ERC2: variants seen among roughly 807,000 people sequenced by gnomAD.
ERC2 encodes ERC protein 2.
Under a neutral mutation model 114.8 loss-of-function variants are expected in ERC2, and 42 were observed. The ratio of observed to expected loss-of-function variants is 0.37; its 90% CI spans 0.29 to 0.47. The LOEUF (loss-of-function observed/expected upper bound fraction) is 0.47. Ranked by LOEUF, ERC2 falls within the 20% of genes least tolerant of loss-of-function variation. ERC2 has a pLI of 0.99. For missense variants in ERC2, 939 were observed against 1,150.7 expected (o/e 0.82, Z 2.66); for synonymous variants, 454 against 425.5 (o/e 1.07, Z -0.82).
In ERC2 at chr3:56,203,855, G is replaced by T. The variant is rs560564732; in HGVS notation, c.1075-30335C>A. Among the ~76,000 whole-genome samples the T allele has an allele frequency of 9.2e-5, 14 of 152,306 alleles. No homozygotes were observed. In the South Asian group the frequency reaches 2.9e-3, roughly 32 times the overall value. ...ATCTAAAGAACCACCTTGTGCAGAG[G>T]ACCTGACAAGAGATGTCTTACATTG... On this transcript the variant is annotated intron_variant, in intron 3 of 17. Coordinates refer to ENST00000288221, the MANE Select transcript of ERC2 (RefSeq NM_015576.3).
At chr3:55,572,554 C>T (rs2056771747) in intron 17 of ERC2, among the ~76,000 whole-genome samples, 2 of 152,334 alleles carry the variant, frequency 1.3e-5, no homozygotes, top group East Asian at 3.9e-4. Context: ...AGTTATTTTA[C>T]ACAAGCTCCT....
chr3:55,688,473 T>A (rs1011637260), intron 16 of ERC2, among the ~76,000 whole-genome samples: 6 of 152,276 alleles, frequency 3.9e-5, no homozygotes, highest in African/African-American at 7.2e-5. Flanking sequence ...CTCCACCATA[T>A]GAGCCGAGAA....
At chr3:55,872,543 A>G (rs1378699663) in intron 14 of ERC2, among the ~76,000 whole-genome samples, 1 of 152,232 alleles carries the variant, frequency 6.6e-6, no homozygotes, top group Admixed American at 6.5e-5. Context: ...GCTATTTAGG[A>G]AATAGTTCTC....
chr3:55,530,294 G>C (rs1575485559), intron 17 of ERC2, among the ~76,000 whole-genome samples: 2 of 152,218 alleles, frequency 1.3e-5, no homozygotes, highest in African/African-American at 4.8e-5. Context: ...CAGGTCTTAT[G>C]ATCCTGTCAC....
At chr3:55,952,397 C>A (rs537106707) in intron 12 of ERC2, among the ~76,000 whole-genome samples, 1 of 151,886 alleles carries the variant, frequency 6.6e-6, no homozygotes, top group Non-Finnish European at 1.5e-5. Context: ...AACATACACA[C>A]GTGAAGCCAC....
At chr3:56,178,631 T>A (rs982953308) in intron 3 of ERC2, among the ~76,000 whole-genome samples, 1 of 152,136 alleles carries the variant, frequency 6.6e-6, no homozygotes, top group African/African-American at 2.4e-5. Context: ...AAACATCAAC[T>A]CATGTCAGTC....
intron 17 of ERC2, among the ~76,000 whole-genome samples, chr3:55,632,656 G>A (rs1469047510): frequency 2.0e-5 from 3 of 152,042 alleles, no homozygotes; most frequent in Non-Finnish European, 4.4e-5. Flanking sequence ...TAGAACTTTG[G>A]GATGACTCAA....
intron 13 of ERC2, among the ~76,000 whole-genome samples, chr3:55,916,955 G>A (rs1287980646): frequency 2.0e-5 from 3 of 151,908 alleles, no homozygotes; most frequent in African/African-American, 4.8e-5. Context: ...AAGTACTAGG[G>A]GTTTTTTTGC....
intron 7 of ERC2, among the ~76,000 whole-genome samples, 186 bp from the exon 8 acceptor site, chr3:56,019,217 TC>T (rs1355676740): frequency 1.3e-5 from 2 of 152,198 alleles, no homozygotes; most frequent in Middle Eastern, 3.2e-3. Context: ...TTCAAGTCTG[TC>T]TTTAAATGGT....
At chr3:55,638,292 C>T (rs1188533437) in intron 17 of ERC2, among the ~76,000 whole-genome samples, 1 of 152,218 alleles carries the variant, frequency 6.6e-6, no homozygotes, top group Non-Finnish European at 1.5e-5. Context: ...ATTAATTAAG[C>T]TGTTAAAAGC....
intron 17 of ERC2, among the ~76,000 whole-genome samples, chr3:55,668,982 A>C (rs1677205030): frequency 6.6e-6 from 1 of 152,234 alleles, no homozygotes; most frequent in African/African-American, 2.4e-5. Flanking sequence ...CATAGTATGC[A>C]ACGGTTATCC....
intron 10 of ERC2, among the ~76,000 whole-genome samples, chr3:55,997,604 T>C (rs1291757022): frequency 2.7e-5 from 4 of 149,282 alleles, no homozygotes; most frequent in African/African-American, 9.7e-5. Context: ...CATATTATTG[T>C]TTAGAATGAA....
intron 4 of ERC2, among the ~76,000 whole-genome samples, chr3:56,154,164 T>G (rs2081572325): frequency 6.6e-6 from 1 of 152,156 alleles, no homozygotes; most frequent in Non-Finnish European, 1.5e-5. Context: ...AAGGATTTAC[T>G]GTGTGGGATG....
At chr3:55,550,479 T>C (rs1249451846) in intron 17 of ERC2, among the ~76,000 whole-genome samples, 2 of 152,178 alleles carry the variant, frequency 1.3e-5, no homozygotes, top group Non-Finnish European at 2.9e-5. Flanking sequence ...TAAATAAATA[T>C]GTGAATTAGG....
At chr3:55,871,413 A>G (rs766549706) in intron 14 of ERC2, among the ~76,000 whole-genome samples, 2 of 152,176 alleles carry the variant, frequency 1.3e-5, no homozygotes, top group Non-Finnish European at 2.9e-5. Context: ...CCAGAGATTC[A>G]GGTGTTTAAT....
intron 3 of ERC2, among the ~76,000 whole-genome samples, chr3:56,261,771 G>C (rs751511847): frequency 6.6e-6 from 1 of 152,092 alleles, no homozygotes; most frequent in Non-Finnish European, 1.5e-5. Flanking sequence ...AGGTAAACTT[G>C]TGTCATGGGG....
chr3:55,845,856 C>A (rs1392815998), intron 14 of ERC2, among the ~76,000 whole-genome samples: 9 of 152,212 alleles, frequency 5.9e-5, no homozygotes, highest in African/African-American at 2.2e-4. Context: ...GCAAATAGAG[C>A]AAGCAACTGA....
chr3:56,210,869 C>T (rs887722444), intron 3 of ERC2, among the ~76,000 whole-genome samples: 9 of 152,144 alleles, frequency 5.9e-5, no homozygotes, highest in African/African-American at 1.9e-4. Context: ...AGCAACCCTA[C>T]AAATTAGAAG....
intron 14 of ERC2, among the ~76,000 whole-genome samples, chr3:55,821,057 C>A (rs1030585162): frequency 1.3e-5 from 2 of 151,658 alleles, no homozygotes; most frequent in Non-Finnish European, 2.9e-5. Context: ...GGTGCTAGAG[C>A]GTGTGAAGAA....
Sources: gnomAD v4.1 joint callset for allele counts (sites outside exome capture counted in the v4.1 genomes callset) on GRCh38, gnomAD v4.1.1 for gene constraint, MANE v1.5 for transcripts, NCBI Gene and HGNC (gene_info 2026-07-23, HGNC 2026-07-21) for gene names.